PCCA: variants seen among roughly 807,000 people sequenced by gnomAD.
PCCA encodes the protein propionyl-CoA carboxylase alpha chain, mitochondrial.
A neutral mutation model predicts 101.3 loss-of-function variants in PCCA; 74 were observed. The ratio of observed to expected loss-of-function variants is 0.73; its 90% CI spans 0.61 to 0.89. The LOEUF (loss-of-function observed/expected upper bound fraction) is 0.89. Among genes scored for constraint, PCCA ranks in the 40% least tolerant of loss-of-function variants. PCCA has a pLI of 0.00. For synonymous variants in PCCA, 294 were observed against 313.6 expected (o/e 0.94, Z 0.66); for missense variants, 891 against 907.0 (o/e 0.98, Z 0.23).
At chr13:100,509,175 TG>T (rs1945436517) in intron 21 of PCCA, among the ~76,000 whole-genome samples, 1 of 152,200 alleles carries the variant, frequency 6.6e-6, no homozygotes, top group Admixed American at 6.5e-5. Flanking sequence ...GTTTCTCAAA[TG>T]TGCACTTGCC....
intron 7 of PCCA, among the ~76,000 whole-genome samples, chr13:100,225,024 A>G (rs1224259966): frequency 6.6e-6 from 1 of 152,242 alleles, no homozygotes; most frequent in African/African-American, 2.4e-5. Flanking sequence ...TTCATGCAGA[A>G]GAGTTAACAT....
intron 6 of PCCA, among the ~76,000 whole-genome samples, chr13:100,188,994 C>A (rs796804500): frequency 6.6e-6 from 1 of 151,954 alleles, no homozygotes; most frequent in African/African-American, 2.4e-5. Context: ...CCCATCAACC[C>A]GTCAGCTACA....
intron 22 of PCCA, among the ~76,000 whole-genome samples, chr13:100,519,985 T>C (rs1158399360): frequency 6.6e-6 from 1 of 152,254 alleles, no homozygotes; most frequent in Admixed American, 6.5e-5. Flanking sequence ...TTATATGTTT[T>C]ATAGCAATAG....
At chr13:100,425,367 C>T (rs544503947) in intron 19 of PCCA, among the ~76,000 whole-genome samples, 16 of 152,284 alleles carry the variant, frequency 1.1e-4, no homozygotes, top group Admixed American at 7.2e-4. Flanking sequence ...AGATAGGTTT[C>T]GAGTTAGAAG....
chr13:100,202,529 G>T (rs2058590926), intron 6 of PCCA, among the ~76,000 whole-genome samples: 1 of 145,818 alleles, frequency 6.9e-6, no homozygotes, highest in Middle Eastern at 3.5e-3. Context: ...AATATTGCTA[G>T]AATTTTTCTT....
chr13:100,383,355 C>T (rs1041831441), intron 19 of PCCA, among the ~76,000 whole-genome samples: 8 of 151,620 alleles, frequency 5.3e-5, no homozygotes, highest in Admixed American at 1.3e-4. Context: ...AGACTGGGTG[C>T]GTGGCTCACG....
chr13:100,282,658 G>C (rs938851931), intron 12 of PCCA, among the ~76,000 whole-genome samples: 2 of 152,200 alleles, frequency 1.3e-5, no homozygotes, highest in African/African-American at 2.4e-5. Context: ...TTTTCTCTCT[G>C]ATGGGGAAAA....
At chr13:100,526,999 G>A (rs975591271) in intron 22 of PCCA, among the ~76,000 whole-genome samples, 4 of 152,190 alleles carry the variant, frequency 2.6e-5, no homozygotes, top group African/African-American at 4.8e-5. Context: ...GTGGGTACTC[G>A]CTGTGTCTTG....
intron 23 of PCCA, among the ~76,000 whole-genome samples, chr13:100,529,072 T>C (rs1486333269): frequency 1.3e-5 from 2 of 152,118 alleles, no homozygotes; most frequent in African/African-American, 4.8e-5. Flanking sequence ...GTTGGAGTCT[T>C]CCTGTGCATT....
intron 16 of PCCA, among the ~76,000 whole-genome samples, chr13:100,320,682 A>G (rs1467897391): frequency 6.6e-6 from 1 of 152,118 alleles, no homozygotes; most frequent in Non-Finnish European, 1.5e-5. Context: ...AGCCCACTTG[A>G]TCATGGTGGA....
chr13:100,358,960 G>C (rs1033904119), intron 18 of PCCA, among the ~76,000 whole-genome samples: 6 of 152,140 alleles, frequency 3.9e-5, no homozygotes, highest in African/African-American at 1.4e-4. Context: ...AGCCAGGTGT[G>C]GTGGTGCACG....
In PCCA at chr13:100,231,510, G is replaced by C. The variant is rs149030174; in HGVS notation, c.601-4332G>C. Among the ~76,000 whole-genome samples the C allele has an allele frequency of 4.7e-3, 716 of 152,286 alleles. 2 individuals carry two copies. Among genetic ancestry groups the C allele is most frequent in the Non-Finnish European group, 7.4e-3 (503 of 68,022 alleles). On this transcript the variant is annotated intron_variant, in intron 7 of 23. Coordinates refer to ENST00000376285, the MANE Select transcript of PCCA (RefSeq NM_000282.4). ...TTGAGGCAATGGGATGTCATGAAAA[G>C]CTTAAGTGATTTTGGGGACTCCTAG...
chr13:100,318,829 A>G (rs1470038293), intron 16 of PCCA, among the ~76,000 whole-genome samples: 1 of 152,114 alleles, frequency 6.6e-6, no homozygotes, highest in African/African-American at 2.4e-5. Context: ...ATGATTTATA[A>G]TCCTTTGGGT....
rs374867760 is a variant in PCCA at position 100,388,727 on chromosome 13, A to G, written c.1746+20153A>G. On this transcript the variant is annotated intron_variant, in intron 19 of 23. Transcript: ENST00000376285. ...GGAGAATCGTTTGAACCTGGGAGGT[A>G]GAAGTTGCAGTGAGCCAAGATTGCA... is the stretch of plus-strand genomic sequence containing the variant. Among the ~76,000 whole-genome samples the G allele has an allele frequency of 1.1e-3, 165 of 152,308 alleles. 6 individuals carry two copies. The South Asian group carries it at 0.031, about 28-fold the overall frequency.
chr13:100,160,428 G>A (rs1331891350), intron 6 of PCCA, among the ~76,000 whole-genome samples: 2 of 151,822 alleles, frequency 1.3e-5, no homozygotes, highest in Admixed American at 6.6e-5. Context: ...GTTTGAGCCC[G>A]GGAGGTGGAG....
intron 19 of PCCA, among the ~76,000 whole-genome samples, chr13:100,398,210 A>G (rs985670405): frequency 2.0e-5 from 3 of 152,172 alleles, no homozygotes; most frequent in African/African-American, 7.2e-5. Context: ...TTTATTTCAT[A>G]CCACTGGTTT....
chr13:100,336,119 G>A (rs557457517), intron 17 of PCCA, among the ~76,000 whole-genome samples: 4 of 152,150 alleles, frequency 2.6e-5, no homozygotes, highest in South Asian at 2.1e-4. Flanking sequence ...AAAATTAGCC[G>A]GGCATGGTGG....
chr13:100,358,846 C>G (rs2074228064), intron 18 of PCCA, among the ~76,000 whole-genome samples: 1 of 151,990 alleles, frequency 6.6e-6, no homozygotes, highest in Non-Finnish European at 1.5e-5. Context: ...ATACACCTCA[C>G]TAAAGGTGTT....
At chr13:100,475,480 A>G (rs1463312128) in intron 21 of PCCA, among the ~76,000 whole-genome samples, 1 of 152,222 alleles carries the variant, frequency 6.6e-6, no homozygotes, top group Non-Finnish European at 1.5e-5. Flanking sequence ...ATGCCAGTAC[A>G]TCATTCCTGT....
Sources: gnomAD v4.1 joint callset for allele counts (sites outside exome capture counted in the v4.1 genomes callset) on GRCh38, gnomAD v4.1.1 for gene constraint, MANE v1.5 for transcripts, NCBI Gene and HGNC (gene_info 2026-07-23, HGNC 2026-07-21) for gene names.